LARP1B: variants seen among roughly 807,000 people sequenced by gnomAD.
The protein encoded by LARP1B is la-related protein 1B.
In LARP1B, 76 loss-of-function variants were observed where a neutral mutation model predicts 114.2. The observed-to-expected ratio is 0.67, with a 90% confidence interval of 0.55 to 0.81. LARP1B has a LOEUF of 0.81. LARP1B is among the 30% of genes least tolerant of loss of function. The pLI is 0.00. For missense variants in LARP1B, 1,014 were observed against 1,075.8 expected (o/e 0.94, Z 0.80); for synonymous variants, 345 against 348.0 (o/e 0.99, Z 0.10).
intron 9 of LARP1B, among the ~76,000 whole-genome samples, chr4:128,112,152 A>G (rs1487918343): frequency 6.6e-6 from 1 of 152,166 alleles, no homozygotes; most frequent in Non-Finnish European, 1.5e-5. Flanking sequence ...TGATATATGT[A>G]GTGTTAATAA....
intron 19 of LARP1B, among the ~76,000 whole-genome samples, chr4:128,208,702 T>C (rs1454765486): frequency 6.6e-6 from 1 of 152,216 alleles, no homozygotes; most frequent in Non-Finnish European, 1.5e-5. Flanking sequence ...AGTTCTGGGC[T>C]CCCAAATCTT....
intron 15 of LARP1B, among the ~76,000 whole-genome samples, chr4:128,191,614 C>T (rs574342786): frequency 6.6e-6 from 1 of 152,230 alleles, no homozygotes; most frequent in East Asian, 1.9e-4. Flanking sequence ...CCAGAAAACT[C>T]ATGGATCATA....
At chr4:128,128,611 G>T (rs1423042245) in intron 11 of LARP1B, among the ~76,000 whole-genome samples, 1 of 152,128 alleles carries the variant, frequency 6.6e-6, no homozygotes, top group East Asian at 1.9e-4. Context: ...CACTGCTGCT[G>T]CCCTGCATTG....
chr4:128,211,629 T>C lies in LARP1B; in HGVS notation c.*1576T>C, dbSNP rs1425563333. On this transcript the variant is annotated 3_prime_UTR_variant, in exon 20 of 20. Coordinates refer to ENST00000326639, the MANE Select transcript of LARP1B (RefSeq NM_018078.4). ...TAGAATAATAGATCTTCAAGTCTTT[T>C]CTTAAATGGGGTATGTAGTTCCAGC... is the stretch of plus-strand genomic sequence containing the variant. The C allele has an allele frequency of 1.0e-6, 1 of 980,182 alleles. No individual in the cohort carries two copies. Among genetic ancestry groups the C allele is most frequent in the Non-Finnish European group, 1.2e-6 (1 of 825,300 alleles). 60.7% of individuals were successfully genotyped at this position (980,182 alleles called of 1,614,324 possible). A position where few individuals can be genotyped will look rare whatever the true frequency, so the allele number is the denominator to read the frequency against.
In LARP1B at chr4:128,209,887, GACAT is replaced by G. The variant is rs747883083; in HGVS notation, c.2580_2583del (p.Arg860SerfsTer38). ...ATTAGTGATGAATTTGGAAGAAAAA[GACAT>G]TCCTCTACTTCTGGTGAGGAGAGTA... is the stretch of plus-strand genomic sequence containing the variant. On this transcript the variant is annotated frameshift_variant, in exon 20 of 20. Transcript: ENST00000326639. LOFTEE classifies it low-confidence loss of function (END_TRUNC). 1 of 1,613,982 alleles carries G rather than the reference GACAT, an allele frequency of 6.2e-7. No homozygotes were observed. The highest frequency in any genetic ancestry group is 1.3e-5 in the African/African-American group (1 of 75,014).
chr4:128,106,315 C>T (rs1782076682), intron 8 of LARP1B, among the ~76,000 whole-genome samples: 1 of 152,114 alleles, frequency 6.6e-6, no homozygotes, highest in Non-Finnish European at 1.5e-5. Context: ...AGCACCTGGC[C>T]CGGTTAATGT....
At chr4:128,115,291 A>C (rs1237725159) in intron 10 of LARP1B, among the ~76,000 whole-genome samples, 1 of 152,226 alleles carries the variant, frequency 6.6e-6, no homozygotes, top group East Asian at 1.9e-4. Flanking sequence ...GGCTGGGCAC[A>C]GTGGCTCATT....
intron 17 of LARP1B, among the ~76,000 whole-genome samples, chr4:128,201,028 C>A (rs1193455022): frequency 6.6e-6 from 1 of 152,178 alleles, no homozygotes. Flanking sequence ...GAAGACTTGG[C>A]CTGGGCTGGA....
At chr4:128,172,199 C>T (rs1024365281) in intron 12 of LARP1B, among the ~76,000 whole-genome samples, 17 of 150,654 alleles carry the variant, frequency 1.1e-4, no homozygotes, top group South Asian at 4.2e-4. Flanking sequence ...TTTCTGTTTT[C>T]GGTTCAATTT....
At chr4:128,108,322 T>C in intron 9 of LARP1B, 1 of 1,008,924 alleles carries the variant, frequency 9.9e-7, no homozygotes, top group Non-Finnish European at 1.2e-6. Context: ...GATTCTTAAG[T>C]ACTTTGCTAT....
chr4:128,079,115 GAC>G (rs1769189343), intron 4 of LARP1B, among the ~76,000 whole-genome samples: 1 of 141,630 alleles, frequency 7.1e-6, no homozygotes, highest in Admixed American at 7.3e-5. Context: ...TTTTTTAAGA[GAC>G]AGAGTCTTGC....
intron 10 of LARP1B, among the ~76,000 whole-genome samples, chr4:128,121,186 G>A (rs1429801353): frequency 6.6e-6 from 1 of 152,216 alleles, no homozygotes; most frequent in Non-Finnish European, 1.5e-5. Flanking sequence ...GAATGGGGAT[G>A]AGGATAGAGT....
Position 128,084,822 on chromosome 4 carries a change from TTTGA to T in LARP1B, c.358+2520_358+2523del, listed in dbSNP as rs1266743846. Among the ~76,000 whole-genome samples the T allele has an allele frequency of 3.3e-5, 5 of 152,242 alleles. No homozygotes were observed. The East Asian group carries it at 7.7e-4, about 23-fold the overall frequency. On this transcript the variant is annotated intron_variant, in intron 5 of 19. Coordinates refer to ENST00000326639, the MANE Select transcript of LARP1B (RefSeq NM_018078.4). The stretch of plus-strand genomic sequence containing the variant: ...AACTTTGATTACCCCTGTAACTTTA[TTTGA>T]TTATTAGTTTGATTACAACATTGAT...
At chr4:128,072,397 T>G (rs997864719) in intron 1 of LARP1B, among the ~76,000 whole-genome samples, 1 of 152,208 alleles carries the variant, frequency 6.6e-6, no homozygotes, top group African/African-American at 2.4e-5. Flanking sequence ...AATGGAGATA[T>G]GTTTTAAATT....
chr4:128,155,108 C>T (rs1203343301), intron 11 of LARP1B, among the ~76,000 whole-genome samples: 5 of 152,126 alleles, frequency 3.3e-5, no homozygotes, highest in Non-Finnish European at 1.5e-5. Context: ...ATCATTAAAT[C>T]TCTTTGGTCC....
chr4:128,172,126 G>C (rs1743981341), intron 12 of LARP1B, among the ~76,000 whole-genome samples: 1 of 151,544 alleles, frequency 6.6e-6, no homozygotes, highest in African/African-American at 2.4e-5. Context: ...TGTCTCACAG[G>C]TTCTTAAGGA....
At chr4:128,111,090 A>G (rs1241792004) in intron 9 of LARP1B, among the ~76,000 whole-genome samples, 3 of 149,316 alleles carry the variant, frequency 2.0e-5, no homozygotes, top group African/African-American at 7.4e-5. Flanking sequence ...TCCGTTGCCC[A>G]GGCTGGAGTG....
At chr4:128,186,605 CT>C (rs1188852365) in intron 15 of LARP1B, among the ~76,000 whole-genome samples, 1 of 152,138 alleles carries the variant, frequency 6.6e-6, no homozygotes, top group African/African-American at 2.4e-5. Context: ...TTGACTTCTT[CT>C]TTTCCAGTGT....
intron 17 of LARP1B, among the ~76,000 whole-genome samples, chr4:128,202,422 A>G (rs1257128611): frequency 6.6e-6 from 1 of 152,220 alleles, no homozygotes; most frequent in Non-Finnish European, 1.5e-5. Flanking sequence ...ACCCATATAC[A>G]TACAAATTTA....
Sources: allele counts gnomAD v4.1 joint callset (sites outside exome capture counted in the v4.1 genomes callset), GRCh38; gene constraint gnomAD v4.1.1; transcripts MANE v1.5; gene names NCBI Gene and HGNC (gene_info 2026-07-23, HGNC 2026-07-21).